NDP: variants seen among roughly 807,000 people sequenced by gnomAD.
NDP encodes norrin.
NDP carries 2 observed loss-of-function variants against 8.4 expected under a neutral mutation model. The ratio of observed to expected loss-of-function variants is 0.24; its 90% CI spans 0.10 to 0.75. The LOEUF is 0.75. Among genes scored for constraint, NDP ranks in the 30% least tolerant of loss-of-function variants. NDP has a pLI of 0.73. For synonymous variants in NDP, 55 were observed against 45.6 expected, an observed-to-expected ratio of 1.21 and a Z score of -0.83; for missense variants, 81 against 110.1, an observed-to-expected ratio of 0.74 and a Z score of 1.18.
intron 2 of NDP, among the ~76,000 whole-genome samples, chrX:43,957,079 T>C (rs2035797941): frequency 8.9e-6 from 1 of 111,757 alleles, no homozygotes; most frequent in Non-Finnish European, 1.9e-5. Flanking sequence ...TAAAAAAGAA[T>C]CACGATTATG....
At chrX:43,952,533 G>A (rs2035768837) in intron 2 of NDP, among the ~76,000 whole-genome samples, 1 of 112,001 alleles carries the variant, frequency 8.9e-6, no homozygotes, top group African/African-American at 3.3e-5. Flanking sequence ...TGAACCAAAC[G>A]TAGGCCTAAC....
At chrX:43,950,072 C>T (rs1423742283) in intron 2 of NDP, 46 bp from the exon 3 acceptor site, 1 of 1,083,885 alleles carries the variant, frequency 9.2e-7, no homozygotes, top group East Asian at 3.2e-5. Flanking sequence ...ATGCCACAAC[C>T]TTAGCCAGGT....
intron 1 of NDP, among the ~76,000 whole-genome samples, chrX:43,963,259 A>T (rs2035836924): frequency 1.8e-5 from 2 of 112,095 alleles, no homozygotes; most frequent in South Asian, 7.4e-4. Flanking sequence ...AGATAGGGTC[A>T]GGGGAAAAAT....
intron 1 of NDP, among the ~76,000 whole-genome samples, chrX:43,970,889 C>T (rs1156773122): frequency 1.8e-5 from 2 of 111,675 alleles, no homozygotes; most frequent in East Asian, 2.8e-4. Flanking sequence ...TGTCTTTTTC[C>T]GGGATTCTTC....
chrX:43,955,967 A>G (rs190859779), intron 2 of NDP, among the ~76,000 whole-genome samples: 2 of 112,394 alleles, frequency 1.8e-5, no homozygotes, highest in East Asian at 5.6e-4. Flanking sequence ...GATGGCTCCT[A>G]CATTCTACTT....
intron 1 of NDP, among the ~76,000 whole-genome samples, chrX:43,962,031 T>C (rs1158496267): frequency 2.7e-5 from 3 of 112,233 alleles, no homozygotes; most frequent in African/African-American, 9.7e-5. Flanking sequence ...TTAGAGATGG[T>C]GAGCTGAACC....
chrX:43,956,283 G>A (rs1187815240), intron 2 of NDP, among the ~76,000 whole-genome samples: 1 of 111,851 alleles, frequency 8.9e-6, no homozygotes, highest in Non-Finnish European at 1.9e-5. Context: ...GAGTCAGAAA[G>A]CATTAACAAT....
At chrX:43,959,516 A>G (rs887393388) in intron 1 of NDP, among the ~76,000 whole-genome samples, 1 of 112,418 alleles carries the variant, frequency 8.9e-6, no homozygotes, top group Admixed American at 9.4e-5. Context: ...ACAGAGTCAC[A>G]TTTCTGCAGA....
At chrX:43,962,194 T>C in intron 1 of NDP, among the ~76,000 whole-genome samples, 1 of 111,085 alleles carries the variant, frequency 9.0e-6, no homozygotes, top group Middle Eastern at 4.6e-3. Flanking sequence ...TAAGCAACAA[T>C]GTAAATATGC....
chrX:43,952,187 G>A (rs2035767147), intron 2 of NDP, among the ~76,000 whole-genome samples: 1 of 111,218 alleles, frequency 9.0e-6, no homozygotes, highest in African/African-American at 3.3e-5. Context: ...CTATGCCATA[G>A]GTCAGTAGTA....
intron 1 of NDP, 147 bp from the exon 2 acceptor site, chrX:43,958,999 A>G (rs1602067240): frequency 3.8e-6 from 1 of 259,984 alleles, no homozygotes. Flanking sequence ...GCTGTCATCC[A>G]TTCCACCCCA....
In NDP at chrX:43,949,683, C is replaced by T. The variant is rs1244611405; in HGVS notation, c.*116G>A. 11 of 667,031 alleles carry T rather than the reference C, an allele frequency of 1.6e-5. No homozygotes were observed. The South Asian group carries it at 2.6e-4, about 16-fold the overall frequency. 55.0% of individuals were successfully genotyped at this position (667,031 alleles called of 1,213,427 possible). A position where few individuals can be genotyped will look rare whatever the true frequency, so the allele number is the denominator to read the frequency against. ...TCTTTATTACTAGAATATGCAGAGT[C>T]CCGGGAGAATTGTTGCATCCTTTTT... On this transcript the variant is annotated 3_prime_UTR_variant, in exon 3 of 3. Coordinates refer to ENST00000642620, the MANE Select transcript of NDP (RefSeq NM_000266.4).
At chrX:43,965,910 T>C (rs1280844898) in intron 1 of NDP, among the ~76,000 whole-genome samples, 1 of 111,121 alleles carries the variant, frequency 9.0e-6, no homozygotes, top group African/African-American at 3.3e-5. Flanking sequence ...TCTAAAAGAG[T>C]TGACCACTTG....
chrX:43,972,798 G>C, intron 1 of NDP, among the ~76,000 whole-genome samples: 1 of 112,764 alleles, frequency 8.9e-6, no homozygotes. Context: ...AAGTCATTCT[G>C]AGCACTCCGG....
rs747178404 is a variant in NDP at position 43,964,268 on chromosome X, G to T, written c.-207-5416C>A. Among the ~76,000 whole-genome samples, 10 of 111,630 alleles carry T rather than the reference G, an allele frequency of 9.0e-5. No homozygotes were observed. The Admixed American group carries it at 9.5e-4, about 11-fold the overall frequency. On this transcript the variant is annotated intron_variant, in intron 1 of 2. Transcript: ENST00000642620. ...GGGGTGATGGAGGAAGAAAAGAGAT[G>T]GGAGAAACAAAAAGGATGGAGGAAT...
At chrX:43,965,509 T>G (rs189418816) in intron 1 of NDP, among the ~76,000 whole-genome samples, 60 of 111,743 alleles carry the variant, frequency 5.4e-4, no homozygotes, top group African/African-American at 1.9e-3. Context: ...CTCTTAAAAC[T>G]GTCTTAAAAT....
At chrX:43,964,232 G>A (rs2035843927) in intron 1 of NDP, among the ~76,000 whole-genome samples, 1 of 111,744 alleles carries the variant, frequency 8.9e-6, no homozygotes, top group African/African-American at 3.3e-5. Context: ...GTGTAGCCAA[G>A]CTCAGCAGTG....
chrX:43,956,285 A>G (rs748089407), intron 2 of NDP, among the ~76,000 whole-genome samples: 9 of 112,143 alleles, frequency 8.0e-5, no homozygotes, highest in Non-Finnish European at 1.7e-4. Flanking sequence ...GTCAGAAAGC[A>G]TTAACAATTG....
At chrX:43,952,266 C>T (rs2035767543) in intron 2 of NDP, among the ~76,000 whole-genome samples, 1 of 111,801 alleles carries the variant, frequency 8.9e-6, no homozygotes, top group South Asian at 3.8e-4. Context: ...CTTCCTTAGT[C>T]TGTTCTCCCC....
Sources: gnomAD v4.1 joint callset for allele counts (sites outside exome capture counted in the v4.1 genomes callset) on GRCh38, gnomAD v4.1.1 for gene constraint, MANE v1.5 for transcripts, NCBI Gene and HGNC (gene_info 2026-07-23, HGNC 2026-07-21) for gene names.